BCAS1: variants seen among roughly 807,000 people sequenced by gnomAD.
BCAS1 encodes breast carcinoma-amplified sequence 1.
In BCAS1, 46 loss-of-function variants were observed where a neutral mutation model predicts 65.4. The observed-to-expected ratio is 0.70, with a 90% confidence interval of 0.55 to 0.90. The LOEUF (loss-of-function observed/expected upper bound fraction) is 0.90, where lower values mean the gene tolerates loss of function less well. BCAS1 is among the 40% of genes least tolerant of loss of function. BCAS1 has a pLI of 0.00. For missense variants in BCAS1, 793 were observed against 771.2 expected, an observed-to-expected ratio of 1.03 and a Z score of -0.33; for synonymous variants, 298 against 293.5, an observed-to-expected ratio of 1.02 and a Z score of -0.16.
intron 9 of BCAS1, among the ~76,000 whole-genome samples, chr20:53,971,739 T>C (rs2090184995): frequency 6.6e-6 from 1 of 152,202 alleles, no homozygotes; most frequent in African/African-American, 2.4e-5. Flanking sequence ...CCAGGTTGAA[T>C]TGGGTTTTCT....
At chr20:53,973,827 G>A (rs1762407208) in intron 9 of BCAS1, among the ~76,000 whole-genome samples, 1 of 152,196 alleles carries the variant, frequency 6.6e-6, no homozygotes, top group African/African-American at 2.4e-5. Context: ...GAGGAAGGAA[G>A]GAAGGGCAGT....
intron 3 of BCAS1, among the ~76,000 whole-genome samples, chr20:54,032,447 A>G (rs2091820724): frequency 6.6e-6 from 1 of 151,326 alleles, no homozygotes. Context: ...CAACATCATG[A>G]TGACGGTATC....
At chr20:53,995,827 A>AT in intron 5 of BCAS1, 65 bp downstream of exon 5, 3 of 1,466,654 alleles carry the variant, frequency 2.0e-6, no homozygotes, top group South Asian at 1.4e-5. Flanking sequence ...AATGTGCATT[A>AT]TTCTTAGAAT....
At chr20:54,040,385 C>T (rs1182577111) in intron 3 of BCAS1, among the ~76,000 whole-genome samples, 3 of 151,118 alleles carry the variant, frequency 2.0e-5, no homozygotes, top group East Asian at 1.9e-4. Context: ...TAGGACACCA[C>T]GGGTCAGCTG....
At chr20:54,060,344 TC>T (rs2092361349) in intron 1 of BCAS1, among the ~76,000 whole-genome samples, 1 of 152,210 alleles carries the variant, frequency 6.6e-6, no homozygotes, top group Non-Finnish European at 1.5e-5. Flanking sequence ...ACGGAGTCTC[TC>T]TCTGTTGCCC....
In BCAS1 at chr20:53,943,802, G is replaced by T. The variant is rs114332048; in HGVS notation, c.*1120C>A. 1.3e-5 allele frequency: 2 copies of T among 152,052 alleles called. No individual in the cohort carries two copies. The highest frequency in any genetic ancestry group is 1.3e-4 in the Admixed American group (2 of 15,288). 9.4% of individuals were successfully genotyped at this position (152,052 alleles called of 1,614,324 possible). A position where few individuals can be genotyped will look rare whatever the true frequency, so the allele number is the denominator to read the frequency against. On this transcript the variant is annotated 3_prime_UTR_variant, in exon 13 of 13. Transcript: ENST00000688948. ...GACACACTTGAGATAAGTGTCAGACGGAACAGATGAAGCGAGCCCCTCAGC... is the reference window on the plus strand; with the variant it reads ...GACACACTTGAGATAAGTGTCAGACTGAACAGATGAAGCGAGCCCCTCAGC...
rs373305194 is a variant in BCAS1, at chr20:54,035,656, A to G, written c.143-6684T>C. Among the ~76,000 whole-genome samples, 71 of 151,360 alleles carry G rather than the reference A, an allele frequency of 4.7e-4. 2 individuals are homozygous for G. In the South Asian group the frequency reaches 0.014, roughly 30 times the overall value. ...GTGGAAGACAGTGTGGCAATTCCTC[A>G]AAGACCTAAAGATAGAAATACCATT... On this transcript the variant is annotated intron_variant, in intron 3 of 12. Coordinates refer to ENST00000688948, the MANE Select transcript of BCAS1 (RefSeq NM_001366298.2).
intron 3 of BCAS1, among the ~76,000 whole-genome samples, chr20:54,036,826 G>T (rs1169398564): frequency 6.6e-6 from 1 of 151,252 alleles, no homozygotes; most frequent in Non-Finnish European, 1.5e-5. Flanking sequence ...TTACAAACTT[G>T]AGTTTTCTAG....
intron 3 of BCAS1, among the ~76,000 whole-genome samples, chr20:54,041,617 T>C (rs980108981): frequency 2.2e-4 from 34 of 152,030 alleles, no homozygotes; most frequent in African/African-American, 7.0e-4. Context: ...GTACGGTGGC[T>C]TAACGCCTGT....
chr20:54,048,280 T>C (rs1423478439), intron 3 of BCAS1, among the ~76,000 whole-genome samples: 1 of 152,188 alleles, frequency 6.6e-6, no homozygotes, highest in Non-Finnish European at 1.5e-5. Flanking sequence ...TAATAATTCT[T>C]TGGAATCACC....
rs536922237 is a variant in BCAS1 at position 54,005,376 on chromosome 20, T to C, written c.724-9326A>G. On this transcript the variant is annotated intron_variant, in intron 4 of 12. Coordinates refer to ENST00000688948, the MANE Select transcript of BCAS1 (RefSeq NM_001366298.2). ...GGTGGCATGCACCTGTGGTCCTAGC[T>C]ACTTGGGAGGCTGAGGCAGGAGAAT... Among the ~76,000 whole-genome samples the C allele has an allele frequency of 1.2e-4, 15 of 130,350 alleles. No individual in the cohort carries two copies. In the South Asian group the frequency reaches 3.7e-3, roughly 32 times the overall value. The allele number at this position is 130,350 out of a possible 152,430, so 85.5% of individuals were successfully genotyped here. A position where few individuals can be genotyped will look rare whatever the true frequency, so the allele number is the denominator to read the frequency against.
Position 54,028,602 on chromosome 20 carries a change from C to T in BCAS1, c.513G>A (p.Thr171=), listed in dbSNP as rs752364282. The T allele has an allele frequency of 1.9e-5, 31 of 1,614,030 alleles. No homozygotes were observed. Among genetic ancestry groups the T allele is most frequent in the African/African-American group, 2.7e-5 (2 of 74,932 alleles). Residue 171 remains threonine, a synonymous_variant, in exon 4 of 13, where the codon ACG becomes ACA. Transcript: ENST00000688948. ...CTCCCCCTGTCTCAGGTGGGAGAAGCGTGGGATCCCTGGCGGCAGAGAGGA... is the reference window on the plus strand; with the variant it reads ...CTCCCCCTGTCTCAGGTGGGAGAAGTGTGGGATCCCTGGCGGCAGAGAGGA... The part of the protein sequence containing the change: ...DKVLSAARDP[T]LLPPETGGAG...
chr20:53,996,147 T>C (rs1600816898), intron 4 of BCAS1, 97 bp from the exon 5 acceptor site: 96 of 1,308,086 alleles, frequency 7.3e-5, no homozygotes, highest in African/African-American at 1.5e-5. Flanking sequence ...ACCCCCTAAT[T>C]CCAGCCATAC....
At chr20:53,951,014 A>G (rs919774126) in intron 12 of BCAS1, among the ~76,000 whole-genome samples, 2 of 152,228 alleles carry the variant, frequency 1.3e-5, no homozygotes, top group African/African-American at 4.8e-5. Flanking sequence ...TAAGTGAATG[A>G]CCAGATTATT....
At chr20:54,065,351 T>G (rs1056663042) in intron 1 of BCAS1, among the ~76,000 whole-genome samples, 4 of 152,252 alleles carry the variant, frequency 2.6e-5, no homozygotes, top group Admixed American at 1.3e-4. Context: ...TATGCTGTTC[T>G]TTGTTTCTCC....
chr20:53,983,237 G>A (rs1156651915), intron 8 of BCAS1, among the ~76,000 whole-genome samples: 1 of 152,104 alleles, frequency 6.6e-6, no homozygotes, highest in African/African-American at 2.4e-5. Context: ...TAAAGACGTC[G>A]GCCTGGTTAG....
chr20:53,989,727 G>A (rs555696693), intron 7 of BCAS1, among the ~76,000 whole-genome samples: 36 of 152,228 alleles, frequency 2.4e-4, no homozygotes, highest in Admixed American at 9.8e-4. Flanking sequence ...CTTTGTTTGC[G>A]TTACAGAGGA....
chr20:53,973,273 T>C (rs948127975), intron 9 of BCAS1, among the ~76,000 whole-genome samples: 1 of 152,042 alleles, frequency 6.6e-6, no homozygotes, highest in Non-Finnish European at 1.5e-5. Context: ...GAAGATGAAA[T>C]ATTGAGCCTT....
chr20:53,951,439 C>A (rs2089522463), intron 12 of BCAS1, among the ~76,000 whole-genome samples: 1 of 152,200 alleles, frequency 6.6e-6, no homozygotes, highest in Non-Finnish European at 1.5e-5. Context: ...CCATTGCACT[C>A]CAGCCTGGGC....
Sources: allele counts gnomAD v4.1 joint callset (sites outside exome capture counted in the v4.1 genomes callset), GRCh38; gene constraint gnomAD v4.1.1; transcripts MANE v1.5; gene names NCBI Gene and HGNC (gene_info 2026-07-23, HGNC 2026-07-21).